Variants in TTC29 observed in about 807,000 individuals in gnomAD.
TTC29 encodes tetratricopeptide repeat domain 29.
A neutral mutation model predicts 58.1 loss-of-function variants in TTC29; 49 were observed. That is an observed-to-expected ratio of 0.84 (90% CI 0.67 to 1.07). The LOEUF (loss-of-function observed/expected upper bound fraction) is 1.07, where lower values mean the gene tolerates loss of function less well. Ranked by LOEUF, TTC29 falls within the 50% of genes least tolerant of loss-of-function variation. The pLI, the probability that TTC29 is intolerant of heterozygous loss-of-function variation, is 0.00. For synonymous variants in TTC29, 209 were observed against 196.8 expected (o/e 1.06, Z -0.52); for missense variants, 582 against 555.6 (o/e 1.05, Z -0.48).
At chr4:146,913,920 A>G (rs1329399382) in intron 4 of TTC29, among the ~76,000 whole-genome samples, 2 of 152,186 alleles carry the variant, frequency 1.3e-5, no homozygotes, top group African/African-American at 4.8e-5. Context: ...TTTAAAAAAG[A>G]TCATTCTTTA....
intron 5 of TTC29, 54 bp downstream of exon 5, chr4:146,908,972 A>C: frequency 5.5e-6 from 8 of 1,457,608 alleles, no homozygotes; most frequent in Non-Finnish European, 7.6e-6. Flanking sequence ...ATCTTCCCCC[A>C]GGAGCTCGGT....
At chr4:146,852,186 G>A (rs944603694) in intron 8 of TTC29, among the ~76,000 whole-genome samples, 6 of 152,128 alleles carry the variant, frequency 3.9e-5, no homozygotes, top group East Asian at 1.9e-4. Flanking sequence ...GCAGAGGGGC[G>A]ATTTCTTTTT....
At chr4:146,805,313 C>G (rs1469534713) in intron 10 of TTC29, among the ~76,000 whole-genome samples, 1 of 151,960 alleles carries the variant, frequency 6.6e-6, no homozygotes, top group Non-Finnish European at 1.5e-5. Flanking sequence ...ATTCCAAAAA[C>G]CAGAACACCT....
intron 9 of TTC29, among the ~76,000 whole-genome samples, chr4:146,830,169 G>A (rs778817352): frequency 1.6e-4 from 24 of 152,120 alleles, no homozygotes; most frequent in Non-Finnish European, 3.1e-4. Flanking sequence ...CCAAGTAGGG[G>A]AAGAATGATA....
intron 10 of TTC29, among the ~76,000 whole-genome samples, chr4:146,818,401 TTAGAATG>T (rs1751573370): frequency 6.6e-6 from 1 of 152,106 alleles, no homozygotes; most frequent in Non-Finnish European, 1.5e-5. Flanking sequence ...CTCACACCAG[TTAGAATG>T]GTGATCATTA....
intron 4 of TTC29, among the ~76,000 whole-genome samples, chr4:146,921,532 T>G (rs1416279656): frequency 6.6e-6 from 1 of 151,136 alleles, no homozygotes; most frequent in African/African-American, 2.4e-5. Flanking sequence ...ATATTATTAG[T>G]ATTAAACAAA....
At chr4:146,877,667 A>C (rs1428428542) in intron 6 of TTC29, among the ~76,000 whole-genome samples, 1 of 151,048 alleles carries the variant, frequency 6.6e-6, no homozygotes, top group African/African-American at 2.4e-5. Flanking sequence ...AGATGTATAC[A>C]AGAGTTCCTT....
intron 11 of TTC29, among the ~76,000 whole-genome samples, chr4:146,730,589 G>A (rs1744253387): frequency 6.6e-6 from 1 of 152,158 alleles, no homozygotes; most frequent in Non-Finnish European, 1.5e-5. Flanking sequence ...GAACCAGCAG[G>A]GGATGTTGGG....
chr4:146,726,142 T>C (rs574408589), intron 11 of TTC29, among the ~76,000 whole-genome samples: 23 of 152,232 alleles, frequency 1.5e-4, no homozygotes, highest in Admixed American at 3.9e-4. Context: ...CCCAAAATGT[T>C]TGGGATTACA....
intron 11 of TTC29, among the ~76,000 whole-genome samples, chr4:146,765,292 T>C (rs1434585736): frequency 6.6e-6 from 1 of 152,130 alleles, no homozygotes; most frequent in Non-Finnish European, 1.5e-5. Context: ...GATAACAATT[T>C]TCATGGAAAG....
At chr4:146,763,593 CGAT>C (rs1747071919) in intron 11 of TTC29, among the ~76,000 whole-genome samples, 1 of 151,996 alleles carries the variant, frequency 6.6e-6, no homozygotes, top group African/African-American at 2.4e-5. Context: ...TAAGGCAACA[CGAT>C]GAGCAGGTGT....
intron 10 of TTC29, 109 bp from the exon 11 acceptor site, chr4:146,803,794 C>T (rs1750409969): frequency 5.1e-6 from 4 of 777,562 alleles, no homozygotes; most frequent in Non-Finnish European, 7.8e-6. Flanking sequence ...ACAGTTACAG[C>T]AGTTCATCTT....
chr4:146,819,695 T>G (rs1358518686), intron 10 of TTC29, among the ~76,000 whole-genome samples: 1 of 152,068 alleles, frequency 6.6e-6, no homozygotes, highest in Non-Finnish European at 1.5e-5. Flanking sequence ...GATTGTCGTT[T>G]CTTCTTCTAA....
At chr4:146,771,984 T>C (rs745633077) in intron 11 of TTC29, among the ~76,000 whole-genome samples, 3 of 152,228 alleles carry the variant, frequency 2.0e-5, no homozygotes, top group Non-Finnish European at 4.4e-5. Context: ...GATTTTAATT[T>C]ACATTTCTCT....
intron 8 of TTC29, among the ~76,000 whole-genome samples, chr4:146,837,869 T>A (rs921772247): frequency 6.6e-6 from 1 of 151,966 alleles, no homozygotes; most frequent in Non-Finnish European, 1.5e-5. Context: ...TGTCTATTTT[T>A]AAAGTTCATG....
Position 146,878,174 on chromosome 4 carries a change from C to T in TTC29, c.587-3246G>A, listed in dbSNP as rs970187994. Among the ~76,000 whole-genome samples, 3 of 152,098 alleles carry T rather than the reference C, an allele frequency of 2.0e-5. No homozygotes were observed. The East Asian group carries it at 5.8e-4, about 29-fold the overall frequency. On this transcript the variant is annotated intron_variant, in intron 6 of 12. Transcript: ENST00000325106. ...TCAGCTGGTGACTACAGAAGGCAACCTTGGGATGGTTAGAAATAACAGTAG... is the reference window on the plus strand; with the variant it reads ...TCAGCTGGTGACTACAGAAGGCAACTTTGGGATGGTTAGAAATAACAGTAG...
chr4:146,752,998 C>T (rs552332364), intron 11 of TTC29, among the ~76,000 whole-genome samples: 1 of 152,266 alleles, frequency 6.6e-6, no homozygotes, highest in South Asian at 2.1e-4. Flanking sequence ...TGGGCAAGGA[C>T]TTCATGTCTA....
chr4:146,716,786 A>G (rs1282391394), intron 11 of TTC29, among the ~76,000 whole-genome samples: 1 of 152,192 alleles, frequency 6.6e-6, no homozygotes, highest in East Asian at 1.9e-4. Context: ...ACCAAAATTA[A>G]AAATCAAAAC....
chr4:146,922,713 A>C (rs910712659), intron 4 of TTC29, among the ~76,000 whole-genome samples: 1 of 151,784 alleles, frequency 6.6e-6, no homozygotes, highest in Middle Eastern at 3.2e-3. Context: ...TGGTTCATCA[A>C]CAGAGGCAGT....
Sources: gnomAD v4.1 joint callset for allele counts (sites outside exome capture counted in the v4.1 genomes callset) on GRCh38, gnomAD v4.1.1 for gene constraint, MANE v1.5 for transcripts, NCBI Gene and HGNC (gene_info 2026-07-23, HGNC 2026-07-21) for gene names.